The following PPARGC1A variants were observed in gnomAD, a reference collection of about 807,000 sequenced individuals.
PPARGC1A encodes PPARG coactivator 1 alpha.
PPARGC1A carries 25 observed loss-of-function variants against 88.7 expected under a neutral mutation model. That is an observed-to-expected ratio of 0.28 (90% confidence interval 0.21 to 0.39). The LOEUF (loss-of-function observed/expected upper bound fraction) is 0.39, where lower values mean the gene tolerates loss of function less well. Ranked by LOEUF, PPARGC1A falls within the 10% of genes least tolerant of loss-of-function variation. PPARGC1A has a pLI of 1.00. For synonymous variants in PPARGC1A, 363 were observed against 355.6 expected, an observed-to-expected ratio of 1.02 and a Z score of -0.24; for missense variants, 880 against 968.7, an observed-to-expected ratio of 0.91 and a Z score of 1.22.
At chr4:23,890,759 A>G (rs1255699035), upstream of PPARGC1A, among the ~76,000 whole-genome samples, 5 of 152,036 alleles carry the variant, frequency 3.3e-5, no homozygotes, top group African/African-American at 9.7e-5. Flanking sequence ...TTTGCTCCAT[A>G]TAAGGAGAAC....
At chr4:24,060,081 A>C in the PPARGC1A span, among the ~76,000 whole-genome samples, 2 of 152,184 alleles carry the variant, frequency 1.3e-5, no homozygotes, top group Non-Finnish European at 2.9e-5. Flanking sequence ...TCACAGAGCT[A>C]TTTTTCACAG....
chr4:24,238,906 C>T, the PPARGC1A span, among the ~76,000 whole-genome samples: 3 of 151,884 alleles, frequency 2.0e-5, no homozygotes, highest in African/African-American at 7.3e-5. Flanking sequence ...CCTATATTTT[C>T]CTGCTTGAGA....
chr4:23,927,836 G>C, the PPARGC1A span, among the ~76,000 whole-genome samples: 7 of 152,150 alleles, frequency 4.6e-5, no homozygotes, highest in East Asian at 1.9e-4. Flanking sequence ...CCTACATCAT[G>C]GAACAGAATT....
chr4:24,348,133 C>T, the PPARGC1A span, among the ~76,000 whole-genome samples: 1 of 152,176 alleles, frequency 6.6e-6, no homozygotes, highest in Non-Finnish European at 1.5e-5. Flanking sequence ...GAAGATAGGT[C>T]CCCAATCCCT....
At chr4:24,315,653 G>GA in the PPARGC1A span, among the ~76,000 whole-genome samples, 1 of 152,132 alleles carries the variant, frequency 6.6e-6, no homozygotes, top group South Asian at 2.1e-4. Flanking sequence ...GCAATATCTA[G>GA]AGATCTTTCC....
At chr4:24,203,261 G>A in the PPARGC1A span, among the ~76,000 whole-genome samples, 12 of 152,278 alleles carry the variant, frequency 7.9e-5, no homozygotes, top group Non-Finnish European at 1.3e-4. Flanking sequence ...TGACCAGGCC[G>A]GACGTGGTGG....
the PPARGC1A span, among the ~76,000 whole-genome samples, chr4:24,417,713 T>G: frequency 1.3e-5 from 2 of 152,186 alleles, no homozygotes; most frequent in African/African-American, 4.8e-5. Flanking sequence ...AAATAATTTG[T>G]CGACACATAA....
At chr4:24,468,097 G>C in the PPARGC1A span, among the ~76,000 whole-genome samples, 1 of 152,076 alleles carries the variant, frequency 6.6e-6, no homozygotes, top group African/African-American at 2.4e-5. Context: ...TACAGACCTG[G>C]CCTGCTTCGA....
the PPARGC1A span, among the ~76,000 whole-genome samples, chr4:24,193,580 C>T: frequency 2.0e-5 from 3 of 152,254 alleles, no homozygotes; most frequent in East Asian, 5.8e-4. Context: ...AAGTTTCCAA[C>T]TCTCCCCACT....
the PPARGC1A span, among the ~76,000 whole-genome samples, chr4:23,945,735 G>C: frequency 6.6e-6 from 1 of 152,150 alleles, no homozygotes; most frequent in South Asian, 2.1e-4. Context: ...ATCAACCTGG[G>C]TCTTTTCATT....
At chr4:23,886,447 A>G (rs947453570) in intron 1 of PPARGC1A, among the ~76,000 whole-genome samples, 5 of 151,920 alleles carry the variant, frequency 3.3e-5, no homozygotes, top group Non-Finnish European at 7.4e-5. Context: ...GGATGGGGGG[A>G]GACTGAAAAT....
At chr4:24,311,260 C>T in the PPARGC1A span, among the ~76,000 whole-genome samples, 3 of 148,276 alleles carry the variant, frequency 2.0e-5, no homozygotes, top group Non-Finnish European at 3.0e-5. Context: ...CCACCACGCC[C>T]GGCTAATTTT....
At chr4:24,163,874 C>T in the PPARGC1A span, among the ~76,000 whole-genome samples, 1 of 152,150 alleles carries the variant, frequency 6.6e-6, no homozygotes, top group Admixed American at 6.5e-5. Flanking sequence ...TTTTTCCAAA[C>T]CAATGAGAAG....
chr4:24,363,387 A>G, the PPARGC1A span, among the ~76,000 whole-genome samples: 1 of 152,354 alleles, frequency 6.6e-6, no homozygotes, highest in Non-Finnish European at 1.5e-5. Flanking sequence ...ATCATATAGA[A>G]GTACTTTTAA....
At chr4:24,139,925 T>G in the PPARGC1A span, among the ~76,000 whole-genome samples, 1 of 152,148 alleles carries the variant, frequency 6.6e-6, no homozygotes, top group Non-Finnish European at 1.5e-5. Flanking sequence ...CTGAAAGAAG[T>G]TCGTCTGAAA....
chr4:24,193,154 A>T, the PPARGC1A span, among the ~76,000 whole-genome samples: 1 of 152,292 alleles, frequency 6.6e-6, no homozygotes, highest in Admixed American at 6.5e-5. Context: ...AATTTTTTGG[A>T]TGCCTTCTGA....
the PPARGC1A span, among the ~76,000 whole-genome samples, chr4:24,056,770 C>T: frequency 8.5e-5 from 13 of 152,220 alleles, no homozygotes; most frequent in South Asian, 6.2e-4. Context: ...ACCATTAGGA[C>T]GGCAACTATG....
At chr4:24,387,766 G>GGGAA in the PPARGC1A span, among the ~76,000 whole-genome samples, 1 of 52,050 alleles carries the variant, frequency 1.9e-5, no homozygotes, top group Non-Finnish European at 3.4e-5. Flanking sequence ...GAGAGAGAGA[G>GGGAA]AGAAAGAAAG....
the PPARGC1A span, among the ~76,000 whole-genome samples, chr4:23,928,970 TGTCAGGGGATGCG>T: frequency 2.6e-5 from 4 of 151,954 alleles, no homozygotes; most frequent in South Asian, 8.3e-4. Context: ...CACTGGGGCC[TGTCAGGGGATGCG>T]GTTGGGGGAG....
Sources: allele counts gnomAD v4.1 joint callset (sites outside exome capture counted in the v4.1 genomes callset), GRCh38; gene constraint gnomAD v4.1.1; transcripts MANE v1.5; gene names NCBI Gene and HGNC (gene_info 2026-07-23, HGNC 2026-07-21).